SLC8A1: variants seen among roughly 807,000 people sequenced by gnomAD.
SLC8A1 encodes solute carrier family 8 member A1.
Under a neutral mutation model 68.3 loss-of-function variants are expected in SLC8A1, and 18 were observed. The observed-to-expected ratio is 0.26, with a 90% confidence interval of 0.18 to 0.39. SLC8A1 has a LOEUF of 0.39. Ranked by LOEUF, SLC8A1 falls within the 10% of genes least tolerant of loss-of-function variation. The probability of loss-of-function intolerance (pLI) is 1.00; values close to 1 mark genes in which losing one functional copy is unlikely to be tolerated. For synonymous variants in SLC8A1, 475 were observed against 415.5 expected, an observed-to-expected ratio of 1.14 and a Z score of -1.74; for missense variants, 985 against 1,156.7, an observed-to-expected ratio of 0.85 and a Z score of 2.15.
intron 2 of SLC8A1, among the ~76,000 whole-genome samples, chr2:40,388,759 T>C (rs1684389451): frequency 6.6e-6 from 1 of 152,116 alleles, no homozygotes; most frequent in South Asian, 2.1e-4. Context: ...CTCTAAAACA[T>C]TCTGTTAATT....
intron 1 of SLC8A1, among the ~76,000 whole-genome samples, chr2:40,499,187 T>C (rs954944449): frequency 2.0e-5 from 3 of 150,000 alleles, no homozygotes; most frequent in Non-Finnish European, 4.4e-5. Context: ...AAAAAGAAGA[T>C]ACTTTTTTCA....
chr2:40,296,829 A>G (rs1033500453), intron 2 of SLC8A1, among the ~76,000 whole-genome samples: 1 of 152,130 alleles, frequency 6.6e-6, no homozygotes, highest in Admixed American at 6.6e-5. Context: ...CATCAAGTTC[A>G]CCAATTAACC....
At chr2:40,148,851 C>G (rs951462460) in intron 6 of SLC8A1, among the ~76,000 whole-genome samples, 4 of 152,210 alleles carry the variant, frequency 2.6e-5, no homozygotes, top group Non-Finnish European at 4.4e-5. Context: ...GATGGAGCAT[C>G]TCCTTCCCTC....
At chr2:40,322,034 A>C (rs2075264008) in intron 2 of SLC8A1, among the ~76,000 whole-genome samples, 1 of 152,176 alleles carries the variant, frequency 6.6e-6, no homozygotes, top group African/African-American at 2.4e-5. Flanking sequence ...CTCTCACTAG[A>C]ATTGACATAG....
chr2:40,194,501 G>A (rs1316602205), intron 2 of SLC8A1, among the ~76,000 whole-genome samples: 4 of 147,172 alleles, frequency 2.7e-5, no homozygotes, highest in Admixed American at 1.3e-4. Flanking sequence ...GTGTGTGTGT[G>A]TGTGTGCGCG....
chr2:40,212,081 A>G (rs1053972729), intron 2 of SLC8A1, among the ~76,000 whole-genome samples: 1 of 152,104 alleles, frequency 6.6e-6, no homozygotes, highest in African/African-American at 2.4e-5. Context: ...GGTTTGAAAA[A>G]TCCATAAAGA....
At chr2:40,374,646 G>A (rs543165961) in intron 2 of SLC8A1, among the ~76,000 whole-genome samples, 1 of 152,080 alleles carries the variant, frequency 6.6e-6, no homozygotes, top group South Asian at 2.1e-4. Context: ...GTGAACCAAG[G>A]TGATGGTGGC....
In SLC8A1 at chr2:40,174,635, A is replaced by G. The variant is rs901097148; in HGVS notation, c.1930+190T>C. On this transcript the variant is annotated intron_variant, in intron 4 of 7. Coordinates refer to ENST00000406785, the Ensembl canonical transcript of SLC8A1. ...GTTAAATATTAATGCAAGTTACATA[A>G]GATGTAGGTTTGGATTGATGGTTAA... The G allele has an allele frequency of 3.8e-6, 5 of 1,312,606 alleles. No individual in the cohort carries two copies. The African/African-American group carries it at 7.5e-5, about 20-fold the overall frequency. The allele number at this position is 1,312,606 out of a possible 1,614,324, so 81.3% of individuals were successfully genotyped here.
intron 1 of SLC8A1, among the ~76,000 whole-genome samples, chr2:40,497,984 T>C (rs2149932765): frequency 6.6e-6 from 1 of 152,154 alleles, no homozygotes; most frequent in East Asian, 1.9e-4. Context: ...AGGCAGATGG[T>C]AATGGATATG....
chr2:40,336,484 G>C (rs1234852519), intron 2 of SLC8A1, among the ~76,000 whole-genome samples: 1 of 152,174 alleles, frequency 6.6e-6, no homozygotes, highest in Non-Finnish European at 1.5e-5. Flanking sequence ...AACTAGTACA[G>C]AGGGCTCCTC....
At chr2:40,215,821 A>G (rs887390307) in intron 2 of SLC8A1, among the ~76,000 whole-genome samples, 5 of 151,964 alleles carry the variant, frequency 3.3e-5, no homozygotes, top group Non-Finnish European at 7.4e-5. Flanking sequence ...TTATTACCTT[A>G]TAATTGCTAA....
At chr2:40,328,335 C>G (rs551127981) in intron 2 of SLC8A1, among the ~76,000 whole-genome samples, 2 of 152,246 alleles carry the variant, frequency 1.3e-5, no homozygotes, top group African/African-American at 4.8e-5. Flanking sequence ...ATCGACTTCC[C>G]CCGTTCCATT....
At chr2:40,127,136 A>G (rs1260031070) in intron 7 of SLC8A1, among the ~76,000 whole-genome samples, 1 of 152,162 alleles carries the variant, frequency 6.6e-6, no homozygotes, top group Non-Finnish European at 1.5e-5. Context: ...CTAGTTAGCT[A>G]TTGGCATTGT....
At chr2:40,339,134 G>A (rs930737065) in intron 2 of SLC8A1, among the ~76,000 whole-genome samples, 2 of 150,016 alleles carry the variant, frequency 1.3e-5, no homozygotes, top group African/African-American at 2.5e-5. Context: ...CCCACTACGC[G>A]CCTCTGGCTT....
chr2:40,480,115 G>A (rs1704537939), intron 1 of SLC8A1, among the ~76,000 whole-genome samples: 1 of 152,054 alleles, frequency 6.6e-6, no homozygotes, highest in South Asian at 2.1e-4. Flanking sequence ...TTTTTCTGGT[G>A]CCAGTAGAGA....
chr2:40,341,127 G>C (rs543619883), intron 2 of SLC8A1, among the ~76,000 whole-genome samples: 39 of 152,252 alleles, frequency 2.6e-4, no homozygotes, highest in African/African-American at 9.1e-4. Flanking sequence ...GCCTTGTTTG[G>C]TGTGTACTAG....
intron 7 of SLC8A1, among the ~76,000 whole-genome samples, chr2:40,122,093 GTTC>G (rs939587232): frequency 4.3e-4 from 65 of 151,976 alleles, no homozygotes; most frequent in African/African-American, 1.5e-3. Context: ...TTATGTACTT[GTTC>G]TTCTGCTGTC....
rs559013140 is a variant in SLC8A1, at chr2:40,198,297, T to TAC, written c.1809-20444_1809-20443dup. On this transcript the variant is annotated intron_variant, in intron 2 of 7. Coordinates refer to ENST00000406785, the Ensembl canonical transcript of SLC8A1. ...CAAAACAATTGTGTTTGAAATCACA[T>TAC]ACACACTGGCCTAATTGACTGGACA... 5.3e-5 allele frequency among the ~76,000 whole-genome samples: 8 copies of TAC among 152,040 alleles called. No homozygotes were observed. In the South Asian group the frequency reaches 1.7e-3, roughly 32 times the overall value.
intron 2 of SLC8A1, among the ~76,000 whole-genome samples, chr2:40,422,700 C>T (rs1695846334): frequency 6.6e-6 from 1 of 152,016 alleles, no homozygotes; most frequent in Admixed American, 6.6e-5. Flanking sequence ...TAAAGCAGAA[C>T]CATTCCTAGA....
Sources: allele counts gnomAD v4.1 joint callset (sites outside exome capture counted in the v4.1 genomes callset), GRCh38; gene constraint gnomAD v4.1.1; transcripts MANE v1.5; gene names NCBI Gene and HGNC (gene_info 2026-07-23, HGNC 2026-07-21).